LSAMP: variants seen among roughly 807,000 people sequenced by gnomAD.
LSAMP encodes limbic system associated membrane protein.
Under a neutral mutation model 38.6 loss-of-function variants are expected in LSAMP, and 7 were observed. The ratio of observed to expected loss-of-function variants is 0.18; its 90% CI spans 0.10 to 0.34. LSAMP has a LOEUF of 0.34. Among genes scored for constraint, LSAMP ranks in the 10% least tolerant of loss-of-function variants. The probability of loss-of-function intolerance (pLI) is 1.00; values close to 1 mark genes in which losing one functional copy is unlikely to be tolerated. For synonymous variants in LSAMP, 154 were observed against 166.8 expected, an observed-to-expected ratio of 0.92 and a Z score of 0.59; for missense variants, 313 against 420.0, an observed-to-expected ratio of 0.75 and a Z score of 2.23.
At chr3:116,419,117 T>C (rs1316612454) in intron 1 of LSAMP, among the ~76,000 whole-genome samples, 1 of 152,220 alleles carries the variant, frequency 6.6e-6, no homozygotes, top group Non-Finnish European at 1.5e-5. Flanking sequence ...AATTCATAAA[T>C]ATTCTCCCAA....
intron 1 of LSAMP, among the ~76,000 whole-genome samples, chr3:116,210,053 C>T (rs531378601): frequency 7.9e-5 from 12 of 152,158 alleles, no homozygotes; most frequent in South Asian, 6.2e-4. Flanking sequence ...TGAGCCCGGC[C>T]GAGATTTTAT....
chr3:116,134,427 T>G (rs1328825622), intron 1 of LSAMP, among the ~76,000 whole-genome samples: 1 of 152,190 alleles, frequency 6.6e-6, no homozygotes, highest in African/African-American at 2.4e-5. Context: ...AATCTTCTAG[T>G]GGCTATCCAG....
At chr3:115,946,955 C>T (rs1053901978) in intron 3 of LSAMP, among the ~76,000 whole-genome samples, 1 of 151,556 alleles carries the variant, frequency 6.6e-6, no homozygotes, top group Non-Finnish European at 1.5e-5. Context: ...ACATGTCAAA[C>T]CAAGTTAGAT....
intron 1 of LSAMP, among the ~76,000 whole-genome samples, chr3:116,189,108 T>C (rs1710693840): frequency 1.3e-5 from 2 of 152,080 alleles, no homozygotes; most frequent in Admixed American, 1.3e-4. Context: ...AGTAAACATA[T>C]AGTTTCAGTT....
At chr3:116,094,508 G>T (rs1018885689) in intron 1 of LSAMP, among the ~76,000 whole-genome samples, 90 of 152,168 alleles carry the variant, frequency 5.9e-4, no homozygotes, top group Admixed American at 5.8e-3. Flanking sequence ...GCATCTACAT[G>T]ATCAGATTAT....
At chr3:116,133,197 T>G (rs1364075295) in intron 1 of LSAMP, among the ~76,000 whole-genome samples, 1 of 152,190 alleles carries the variant, frequency 6.6e-6, no homozygotes, top group Admixed American at 6.5e-5. Context: ...CCTAGGAAAC[T>G]TTGAGCAGTT....
At chr3:116,399,559 T>C (rs999498460) in intron 1 of LSAMP, among the ~76,000 whole-genome samples, 2 of 152,088 alleles carry the variant, frequency 1.3e-5, no homozygotes, top group African/African-American at 4.8e-5. Flanking sequence ...GCACCAAAAG[T>C]GGGCAATATA....
At chr3:116,339,327 T>C (rs751315172) in intron 1 of LSAMP, among the ~76,000 whole-genome samples, 7 of 151,468 alleles carry the variant, frequency 4.6e-5, no homozygotes, top group Admixed American at 4.0e-4. Flanking sequence ...CCAGGACTGA[T>C]AGATTTATCG....
intron 1 of LSAMP, among the ~76,000 whole-genome samples, chr3:116,144,909 T>C (rs1301153137): frequency 3.9e-5 from 6 of 151,940 alleles, no homozygotes; most frequent in Non-Finnish European, 1.5e-5. Flanking sequence ...AATAATATAG[T>C]TGGTTATAGA....
At chr3:116,222,182 C>T (rs548563329) in intron 1 of LSAMP, among the ~76,000 whole-genome samples, 192 of 151,526 alleles carry the variant, frequency 1.3e-3, no homozygotes, top group Non-Finnish European at 2.5e-3. Flanking sequence ...ACTCTCTGGG[C>T]GTGGTTCTTC....
At chr3:115,957,357 C>T (rs968040878) in intron 3 of LSAMP, among the ~76,000 whole-genome samples, 3 of 152,236 alleles carry the variant, frequency 2.0e-5, no homozygotes, top group Non-Finnish European at 4.4e-5. Flanking sequence ...CTTATAAGCA[C>T]GTTGTGGCCA....
chr3:116,018,887 G>A (rs1205999530), intron 3 of LSAMP, among the ~76,000 whole-genome samples: 1 of 152,148 alleles, frequency 6.6e-6, no homozygotes, highest in Non-Finnish European at 1.5e-5. Context: ...ATGAGTTCAT[G>A]CAGCTTAGTC....
chr3:116,184,559 T>C (rs942521547), intron 1 of LSAMP, among the ~76,000 whole-genome samples: 1 of 151,908 alleles, frequency 6.6e-6, no homozygotes, highest in Non-Finnish European at 1.5e-5. Context: ...GGGGGTATCT[T>C]TAAAAATATA....
chr3:115,946,428 T>G (rs1704111215), intron 3 of LSAMP, among the ~76,000 whole-genome samples: 1 of 152,120 alleles, frequency 6.6e-6, no homozygotes, highest in South Asian at 2.1e-4. Flanking sequence ...GATGTCAATT[T>G]CCAAGATGTC....
chr3:116,043,224 C>CT (rs113895473), intron 2 of LSAMP, among the ~76,000 whole-genome samples: 5 of 152,160 alleles, frequency 3.3e-5, no homozygotes, highest in South Asian at 2.1e-4. Flanking sequence ...TTATCATATG[C>CT]TTTTTTTAAA....
At chr3:116,222,385 G>A (rs1036322335) in intron 1 of LSAMP, among the ~76,000 whole-genome samples, 1 of 151,646 alleles carries the variant, frequency 6.6e-6, no homozygotes, top group Non-Finnish European at 1.5e-5. Flanking sequence ...TACTTACTTG[G>A]TGCTCATTTT....
chr3:115,841,807 T>G (rs1446136631), intron 6 of LSAMP, 38 bp downstream of exon 6: 2 of 1,560,550 alleles, frequency 1.3e-6, no homozygotes, highest in South Asian at 1.2e-5. Flanking sequence ...AAAGTCAATT[T>G]AATTCCATCA....
At chr3:116,114,124 A>C (rs2107476064) in intron 1 of LSAMP, among the ~76,000 whole-genome samples, 1 of 152,330 alleles carries the variant, frequency 6.6e-6, no homozygotes, top group South Asian at 2.1e-4. Flanking sequence ...CAGCGTCCTC[A>C]CATAACATGT....
At chr3:115,858,312 C>A (rs1218078513) in intron 3 of LSAMP, among the ~76,000 whole-genome samples, 1 of 152,126 alleles carries the variant, frequency 6.6e-6, no homozygotes, top group Non-Finnish European at 1.5e-5. Context: ...CAGGACATGA[C>A]AACCAGCCCC....
Sources: gnomAD v4.1 joint callset for allele counts (sites outside exome capture counted in the v4.1 genomes callset) on GRCh38, gnomAD v4.1.1 for gene constraint, MANE v1.5 for transcripts, NCBI Gene and HGNC (gene_info 2026-07-23, HGNC 2026-07-21) for gene names.